Variants in ATP9B observed in about 807,000 individuals in gnomAD.
ATP9B encodes the protein ATPase phospholipid transporting 9B.
Under a neutral mutation model 146.1 loss-of-function variants are expected in ATP9B, and 110 were observed. The ratio of observed to expected loss-of-function variants is 0.75; its 90% CI spans 0.65 to 0.88. The LOEUF is 0.88. ATP9B is among the 40% of genes least tolerant of loss of function. ATP9B has a pLI of 0.00. For synonymous variants in ATP9B, 604 were observed against 569.7 expected, an observed-to-expected ratio of 1.06 and a Z score of -0.86; for missense variants, 1,499 against 1,496.4, an observed-to-expected ratio of 1.00 and a Z score of -0.03.
chr18:79,070,153 A>G lies in ATP9B; in HGVS notation c.119+624A>G, dbSNP rs571354449. 9.8e-5 allele frequency among the ~76,000 whole-genome samples: 15 copies of G among 152,292 alleles called. No individual in the cohort carries two copies. The South Asian group carries it at 1.7e-3, about 17-fold the overall frequency. ...AGTGTACAGACCTTTCATACTCGAG[A>G]TTGCATTTAGCTCATATTTAACATT... On this transcript the variant is annotated intron_variant, in intron 1 of 29. Coordinates refer to ENST00000426216, the MANE Select transcript of ATP9B (RefSeq NM_198531.5).
intron 11 of ATP9B, among the ~76,000 whole-genome samples, chr18:79,214,808 G>C (rs537490543): frequency 7.9e-5 from 12 of 152,314 alleles, no homozygotes; most frequent in African/African-American, 2.2e-4. Context: ...ATCTTTTGCT[G>C]TCTTTTTCTG....
At chr18:79,177,640 G>C (rs2095194317) in intron 8 of ATP9B, among the ~76,000 whole-genome samples, 1 of 152,166 alleles carries the variant, frequency 6.6e-6, no homozygotes, top group African/African-American at 2.4e-5. Flanking sequence ...CGTGTGTGTA[G>C]AATCTTTCAA....
At chr18:79,186,804 TCTGTTCTTTAGAAATTTGGAAACTAGC>T (rs1192061046) in intron 8 of ATP9B, among the ~76,000 whole-genome samples, 6 of 152,240 alleles carry the variant, frequency 3.9e-5, no homozygotes, top group African/African-American at 1.4e-4. Flanking sequence ...TCCTGCAGCC[TCTGTTCTTTAGAAATTTGGAAACTAGC>T]CTGCACGTAT....
intron 8 of ATP9B, among the ~76,000 whole-genome samples, chr18:79,186,550 A>G (rs1600265116): frequency 1.3e-5 from 2 of 152,274 alleles, no homozygotes; most frequent in South Asian, 4.2e-4. Context: ...TGTTTTGAAA[A>G]TTACTGTGAC....
chr18:79,222,908 A>G (rs2095694455), intron 11 of ATP9B, among the ~76,000 whole-genome samples: 1 of 152,258 alleles, frequency 6.6e-6, no homozygotes, highest in African/African-American at 2.4e-5. Flanking sequence ...TTAAGGGAGA[A>G]AAATTCTTGT....
chr18:79,359,323 C>T (rs762811314), intron 25 of ATP9B, 31 bp from the exon 26 acceptor site: 91 of 1,524,866 alleles, frequency 6.0e-5, no homozygotes, highest in Non-Finnish European at 7.9e-5. Flanking sequence ...AAGTTTCTCA[C>T]GCCCATTGCA....
At chr18:79,081,839 A>G (rs567585395) in intron 1 of ATP9B, among the ~76,000 whole-genome samples, 1 of 151,314 alleles carries the variant, frequency 6.6e-6, no homozygotes, top group South Asian at 2.1e-4. Context: ...TGCCCTAAAC[A>G]TTTTTTCCTT....
At chr18:79,234,099 G>A (rs1316733303) in intron 11 of ATP9B, among the ~76,000 whole-genome samples, 4 of 152,134 alleles carry the variant, frequency 2.6e-5, no homozygotes, top group Non-Finnish European at 5.9e-5. Context: ...GTGAAAACAA[G>A]AGTGGATACA....
chr18:79,332,391 T>C (rs1278233690), intron 17 of ATP9B, among the ~76,000 whole-genome samples: 1 of 152,180 alleles, frequency 6.6e-6, no homozygotes, highest in African/African-American at 2.4e-5. Flanking sequence ...ATCGCGACAC[T>C]GCACTCCAGC....
intron 26 of ATP9B, among the ~76,000 whole-genome samples, chr18:79,369,453 A>C (rs917264537): frequency 6.6e-5 from 10 of 150,952 alleles, no homozygotes; most frequent in African/African-American, 2.5e-4. Flanking sequence ...GAATGGCGTG[A>C]ACCCGGGAGG....
At chr18:79,342,043 A>G (rs1357593191) in intron 19 of ATP9B, among the ~76,000 whole-genome samples, 1 of 152,184 alleles carries the variant, frequency 6.6e-6, no homozygotes, top group Admixed American at 6.5e-5. Flanking sequence ...CACTCAGCGT[A>G]ATGTCCTCAA....
At chr18:79,319,622 C>A in intron 15 of ATP9B, among the ~76,000 whole-genome samples, 1 of 152,302 alleles carries the variant, frequency 6.6e-6, no homozygotes, top group South Asian at 2.1e-4. Flanking sequence ...AATCACTGTC[C>A]TCAGTGTCTC....
chr18:79,298,456 CA>C (rs2096568254), intron 13 of ATP9B, among the ~76,000 whole-genome samples: 1 of 146,612 alleles, frequency 6.8e-6, no homozygotes, highest in South Asian at 2.2e-4. Context: ...TGAAAGAAAC[CA>C]AAATAGACCG....
At chr18:79,241,623 C>A (rs1599200837) in intron 11 of ATP9B, among the ~76,000 whole-genome samples, 1 of 152,186 alleles carries the variant, frequency 6.6e-6, no homozygotes, top group African/African-American at 2.4e-5. Context: ...TCACTAATTA[C>A]TAGAATTTTA....
chr18:79,324,086 T>A (rs1160465998), intron 15 of ATP9B, among the ~76,000 whole-genome samples: 1 of 152,218 alleles, frequency 6.6e-6, no homozygotes, highest in Admixed American at 6.5e-5. Context: ...TGGCCGTTTG[T>A]GTGTCTTCTT....
At chr18:79,365,807 G>A (rs1600419589) in intron 26 of ATP9B, among the ~76,000 whole-genome samples, 1 of 152,006 alleles carries the variant, frequency 6.6e-6, no homozygotes, top group South Asian at 2.1e-4. Context: ...CGTGGACGGG[G>A]ACAGCCCGTG....
intron 13 of ATP9B, among the ~76,000 whole-genome samples, chr18:79,284,285 C>G (rs1599592058): frequency 6.6e-6 from 1 of 152,070 alleles, no homozygotes; most frequent in South Asian, 2.1e-4. Flanking sequence ...ATATGAGTAG[C>G]CTTACTGGTT....
intron 11 of ATP9B, among the ~76,000 whole-genome samples, chr18:79,237,418 C>T (rs577263476): frequency 1.5e-4 from 23 of 152,388 alleles, no homozygotes; most frequent in African/African-American, 5.3e-4. Context: ...AGTCAGTGTC[C>T]ACGCACAGTG....
chr18:79,080,968 C>T (rs1036196153), intron 1 of ATP9B, among the ~76,000 whole-genome samples: 1 of 152,178 alleles, frequency 6.6e-6, no homozygotes, highest in Non-Finnish European at 1.5e-5. Context: ...AGGGATGAAG[C>T]TGACTTGATC....
Sources: allele counts gnomAD v4.1 joint callset (sites outside exome capture counted in the v4.1 genomes callset), GRCh38; gene constraint gnomAD v4.1.1; transcripts MANE v1.5; gene names NCBI Gene and HGNC (gene_info 2026-07-23, HGNC 2026-07-21).